CACNA1C: variants seen among roughly 807,000 people sequenced by gnomAD.
The protein encoded by CACNA1C is calcium voltage-gated channel subunit alpha1 C.
Under a neutral mutation model 229.0 loss-of-function variants are expected in CACNA1C, and 30 were observed. That is an observed-to-expected ratio of 0.13 (90% confidence interval 0.10 to 0.18). CACNA1C has a LOEUF of 0.18. Among genes scored for constraint, CACNA1C ranks in the 10% least tolerant of loss-of-function variants. CACNA1C has a pLI of 1.00. For missense variants in CACNA1C, 1,658 were observed against 2,845.0 expected, an observed-to-expected ratio of 0.58 and a Z score of 9.49; for synonymous variants, 1,114 against 1,132.5, an observed-to-expected ratio of 0.98 and a Z score of 0.33.
intron 3 of CACNA1C, among the ~76,000 whole-genome samples, chr12:2,195,563 A>G (rs2154306144): frequency 6.6e-6 from 1 of 152,352 alleles, no homozygotes; most frequent in South Asian, 2.1e-4. Context: ...CATCATCAAA[A>G]TGTCTTCTGA....
chr12:2,588,629 G>C (rs1339717636), intron 18 of CACNA1C, among the ~76,000 whole-genome samples: 2 of 152,178 alleles, frequency 1.3e-5, no homozygotes, highest in East Asian at 3.9e-4. Flanking sequence ...GGCCATCGAG[G>C]CCAGCCATGG....
At chr12:2,175,042 C>CTGTTCAAACCTGTGT (rs565038213) in intron 3 of CACNA1C, among the ~76,000 whole-genome samples, 4,767 of 152,152 alleles carry the variant, frequency 0.031, 118 homozygotes, top group South Asian at 0.13. Context: ...GTGACCCACG[C>CTGTTCAAACCTGTGT]TGTTCAAACC....
chr12:2,328,854 G>A (rs2096437370), intron 3 of CACNA1C, among the ~76,000 whole-genome samples: 1 of 152,202 alleles, frequency 6.6e-6, no homozygotes, highest in East Asian at 1.9e-4. Context: ...GACAGTGTGG[G>A]TAGACAAGGC....
Position 2,605,639 on chromosome 12 carries a change from C to T in CACNA1C, c.3049-40C>T. The T allele has an allele frequency of 6.8e-7, 1 of 1,472,712 alleles. No homozygotes were observed. The highest frequency in any genetic ancestry group is 2.3e-5 in the East Asian group (1 of 44,070). 91.2% of individuals were successfully genotyped at this position (1,472,712 alleles called of 1,614,324 possible). A position where few individuals can be genotyped will look rare whatever the true frequency, so the allele number is the denominator to read the frequency against. On this transcript the variant is annotated intron_variant, in intron 23 of 46. Transcript: ENST00000399655. This position sits in a 1 kb window ranked among gnomAD's most constrained non-coding sequence, Gnocchi z 6.2. ...CCTCCTGGAAAGGCTCCTGGCATCT[C>T]CTGAAGCCACGTCCCTCTCCCCGTC...
intron 1 of CACNA1C, among the ~76,000 whole-genome samples, chr12:2,039,868 G>A (rs2049783227): frequency 6.6e-6 from 1 of 152,048 alleles, no homozygotes; most frequent in African/African-American, 2.4e-5. Flanking sequence ...TTGGGTTCCT[G>A]TGGGGCATCA....
At chr12:2,190,255 C>A (rs1417968113) in intron 3 of CACNA1C, among the ~76,000 whole-genome samples, 1 of 152,148 alleles carries the variant, frequency 6.6e-6, no homozygotes, top group African/African-American at 2.4e-5. Context: ...CAAAAGATTT[C>A]AAAATACTGT....
At position 2,602,838 on chromosome 12, in the gene CACNA1C, C is replaced by T. The variant is rs549307808; in HGVS notation, c.2960+878C>T. On this transcript the variant is annotated intron_variant, in intron 22 of 46. Coordinates refer to ENST00000399655, the MANE Select transcript of CACNA1C (RefSeq NM_000719.7). The surrounding 1 kb of genome is among the most constrained non-coding windows in gnomAD (Gnocchi z 4.4). ...TGATAGTGTGAATCCTACACTTTAA[C>T]TTTCAAAGCACTTCCACATACACAT... Among the ~76,000 whole-genome samples, 4 of 152,292 alleles carry T rather than the reference C, an allele frequency of 2.6e-5. No homozygotes were observed. The East Asian group carries it at 5.8e-4, about 22-fold the overall frequency.
rs185329070 is a variant in CACNA1C, at chr12:2,622,776, G to A, written c.3828+10763G>A. On this transcript the variant is annotated intron_variant, in intron 29 of 46. Transcript: ENST00000399655. ...CCTTCACAATCTTTCCTCTCTCCTC[G>A]CTCTGCCCACCACCCACCACCTCAC... Among the ~76,000 whole-genome samples, 442 of 152,048 alleles carry A rather than the reference G, an allele frequency of 2.9e-3. 2 individuals are homozygous for A. Among genetic ancestry groups the A allele is most frequent in the African/African-American group, 1.0e-2 (413 of 41,444 alleles).
At chr12:2,622,255 G>A (rs2083656774) in intron 29 of CACNA1C, among the ~76,000 whole-genome samples, 1 of 152,186 alleles carries the variant, frequency 6.6e-6, no homozygotes, top group East Asian at 1.9e-4. Context: ...GACATGAAAA[G>A]GGCCGGACAG....
At chr12:2,043,787 C>A (rs2050593949) in intron 1 of CACNA1C, among the ~76,000 whole-genome samples, 1 of 139,778 alleles carries the variant, frequency 7.2e-6, no homozygotes. Flanking sequence ...TCCCCAGTAG[C>A]TGGGACTACA....
intron 9 of CACNA1C, among the ~76,000 whole-genome samples, chr12:2,535,547 A>C (rs532685188): frequency 2.0e-5 from 3 of 150,084 alleles, no homozygotes; most frequent in East Asian, 3.9e-4. Context: ...AAAAAAAAAA[A>C]ACAAAATAAT....
intron 1 of CACNA1C, among the ~76,000 whole-genome samples, chr12:2,102,636 C>T (rs1461722218): frequency 3.9e-5 from 6 of 152,048 alleles, no homozygotes; most frequent in Non-Finnish European, 8.8e-5. Flanking sequence ...GCAGAATGTG[C>T]TTGTTTGTTA....
In CACNA1C at chr12:2,653,215, T is replaced by C. The variant is rs1455373945; in HGVS notation, c.4075-620T>C. Among the ~76,000 whole-genome samples the C allele has an allele frequency of 1.3e-5, 2 of 152,238 alleles. No individual in the cohort carries two copies. The highest frequency in any genetic ancestry group is 2.9e-5 in the Non-Finnish European group (2 of 68,036). On this transcript the variant is annotated intron_variant, in intron 32 of 46. Coordinates refer to ENST00000399655, the MANE Select transcript of CACNA1C (RefSeq NM_000719.7). The surrounding 1 kb of genome is among the most constrained non-coding windows in gnomAD (Gnocchi z 4.7). ...TAAGCACTTTATAAGCCTTAAATCT[T>C]TTCAACCACAAAACCGCTGAGAGGT...
intron 3 of CACNA1C, among the ~76,000 whole-genome samples, chr12:2,439,202 C>T (rs2099190381): frequency 6.6e-6 from 1 of 152,166 alleles, no homozygotes; most frequent in African/African-American, 2.4e-5. Context: ...GGGGCTTCTG[C>T]CCTGGGCAGG....
At chr12:2,190,875 C>G (rs1023864012) in intron 3 of CACNA1C, among the ~76,000 whole-genome samples, 2 of 152,160 alleles carry the variant, frequency 1.3e-5, no homozygotes, top group African/African-American at 4.8e-5. Context: ...CCTTGGAACC[C>G]GCCCCCTTTT....
intron 18 of CACNA1C, 143 bp from the exon 19 acceptor site, chr12:2,593,070 C>T: frequency 1.1e-6 from 1 of 875,784 alleles, no homozygotes; most frequent in Non-Finnish European, 1.7e-6. Context: ...GCAGCACCCA[C>T]AGGGAGACAG....
chr12:2,351,550 C>G (rs2097202662), intron 3 of CACNA1C, among the ~76,000 whole-genome samples: 1 of 152,216 alleles, frequency 6.6e-6, no homozygotes, highest in Non-Finnish European at 1.5e-5. Flanking sequence ...TTCCTCTCCT[C>G]AAGGGTGGCT....
chr12:2,506,840 C>T (rs1389374220), intron 8 of CACNA1C, among the ~76,000 whole-genome samples: 3 of 152,110 alleles, frequency 2.0e-5, no homozygotes, highest in Admixed American at 2.0e-4. Context: ...GACTGGGAAC[C>T]AAATCTGAGC....
At chr12:2,472,841 A>C (rs2099600459) in intron 5 of CACNA1C, among the ~76,000 whole-genome samples, 1 of 152,242 alleles carries the variant, frequency 6.6e-6, no homozygotes, top group African/African-American at 2.4e-5. Context: ...TTGGTTCATC[A>C]GCAGACAGTT....
Sources: allele counts gnomAD v4.1 joint callset (sites outside exome capture counted in the v4.1 genomes callset), GRCh38; gene constraint gnomAD v4.1.1; non-coding constraint Gnocchi (gnomAD v3.1); transcripts MANE v1.5; gene names NCBI Gene and HGNC (gene_info 2026-07-23, HGNC 2026-07-21).